EPHB1: variants seen among roughly 807,000 people sequenced by gnomAD.
EPHB1 encodes EPH receptor B1, also known as ephrin type-B receptor 1.
EPHB1 carries 30 observed loss-of-function variants against 94.4 expected under a neutral mutation model. That is an observed-to-expected ratio of 0.32 (90% CI 0.24 to 0.43). The LOEUF (loss-of-function observed/expected upper bound fraction) is 0.43. EPHB1 is among the 20% of genes least tolerant of loss of function. EPHB1 has a pLI of 1.00. For missense variants in EPHB1, 1,055 were observed against 1,308.3 expected, an observed-to-expected ratio of 0.81 and a Z score of 2.99; for synonymous variants, 522 against 489.1, an observed-to-expected ratio of 1.07 and a Z score of -0.89.
chr3:135,243,256 T>C (rs1342683231), intron 13 of EPHB1, among the ~76,000 whole-genome samples: 1 of 152,190 alleles, frequency 6.6e-6, no homozygotes, highest in East Asian at 1.9e-4. Flanking sequence ...AAATTTCTGA[T>C]ATTAGACTTC....
intron 3 of EPHB1, among the ~76,000 whole-genome samples, chr3:135,009,858 G>T (rs1245732006): frequency 1.3e-5 from 2 of 152,122 alleles, no homozygotes; most frequent in Non-Finnish European, 2.9e-5. Flanking sequence ...TGCTTTTAAA[G>T]AACTTTTTTG....
chr3:135,255,105 CTTT>C (rs968191643), intron 15 of EPHB1, among the ~76,000 whole-genome samples: 1 of 151,944 alleles, frequency 6.6e-6, no homozygotes, highest in East Asian at 1.9e-4. Flanking sequence ...ATTCCTCTCT[CTTT>C]TTTTATTAGT....
intron 1 of EPHB1, among the ~76,000 whole-genome samples, chr3:134,862,706 A>T (rs6439528): frequency 1.3e-5 from 2 of 152,162 alleles, no homozygotes. Context: ...TGCCGTGGCC[A>T]TTGGTGTTTG....
chr3:135,028,493 A>G (rs1426847927), intron 3 of EPHB1, among the ~76,000 whole-genome samples: 1 of 136,912 alleles, frequency 7.3e-6, no homozygotes, highest in Non-Finnish European at 1.6e-5. Context: ...CCCAGTAGTC[A>G]TTCAGGAGCA....
chr3:134,908,300 G>C (rs1250103235), intron 1 of EPHB1, among the ~76,000 whole-genome samples: 6 of 152,254 alleles, frequency 3.9e-5, no homozygotes, highest in African/African-American at 1.4e-4. Flanking sequence ...GCCATGCCAA[G>C]CCTCTGTGAC....
intron 12 of EPHB1, among the ~76,000 whole-genome samples, chr3:135,209,838 G>A (rs1448581157): frequency 1.3e-5 from 2 of 152,138 alleles, no homozygotes; most frequent in African/African-American, 2.4e-5. Context: ...GGTGGGAGAG[G>A]CACTAGTAGA....
intron 12 of EPHB1, among the ~76,000 whole-genome samples, chr3:135,205,949 A>G (rs1942890640): frequency 6.6e-6 from 1 of 152,194 alleles, no homozygotes. Context: ...AATGCGTGCA[A>G]CTGTGTAACC....
chr3:134,798,526 A>G (rs1360314936), intron 1 of EPHB1, among the ~76,000 whole-genome samples: 1 of 151,966 alleles, frequency 6.6e-6, no homozygotes, highest in African/African-American at 2.4e-5. Flanking sequence ...CTGTGAGGAG[A>G]GAGATGCCAC....
At chr3:134,881,339 A>G (rs2037726839) in intron 1 of EPHB1, among the ~76,000 whole-genome samples, 1 of 152,100 alleles carries the variant, frequency 6.6e-6, no homozygotes, top group Non-Finnish European at 1.5e-5. Flanking sequence ...TTGGCAGGAC[A>G]AGACATGCAG....
chr3:135,067,477 G>C (rs1346398466), intron 3 of EPHB1: 3 of 152,314 alleles, frequency 2.0e-5, no homozygotes, highest in African/African-American at 7.2e-5. Context: ...AAGTGGGGGA[G>C]AGCTGGCAGT....
intron 1 of EPHB1, among the ~76,000 whole-genome samples, chr3:134,819,055 A>G (rs937631011): frequency 2.6e-5 from 4 of 152,164 alleles, no homozygotes; most frequent in Non-Finnish European, 5.9e-5. Flanking sequence ...TAGCCAGTTT[A>G]TGAGTGAAGG....
intron 5 of EPHB1, among the ~76,000 whole-genome samples, chr3:135,141,090 C>A (rs1449322956): frequency 6.6e-6 from 1 of 151,728 alleles, no homozygotes; most frequent in African/African-American, 2.4e-5. Context: ...GCAGGAAAAC[C>A]TTTGCTGTAG....
chr3:135,181,415 C>T (rs889089862), intron 10 of EPHB1, among the ~76,000 whole-genome samples: 10 of 152,192 alleles, frequency 6.6e-5, no homozygotes, highest in African/African-American at 2.4e-4. Context: ...CCTTTAGATG[C>T]TGACATATTT....
chr3:135,002,836 G>C (rs948016824), intron 3 of EPHB1, among the ~76,000 whole-genome samples: 18 of 151,670 alleles, frequency 1.2e-4, no homozygotes, highest in Non-Finnish European at 2.5e-4. Context: ...GCGTCTATTT[G>C]ATTCTTCTCT....
At chr3:134,976,005 G>A (rs933281058) in intron 3 of EPHB1, among the ~76,000 whole-genome samples, 1 of 152,220 alleles carries the variant, frequency 6.6e-6, no homozygotes, top group African/African-American at 2.4e-5. Flanking sequence ...AACCAGAAGT[G>A]GGTGGATTAA....
chr3:135,065,007 T>C (rs1214183043), intron 3 of EPHB1, among the ~76,000 whole-genome samples: 5 of 152,176 alleles, frequency 3.3e-5, no homozygotes, highest in African/African-American at 1.2e-4. Flanking sequence ...TGTATTTGCA[T>C]GGTTTTGAGG....
chr3:134,925,231 T>C (rs1193481159), intron 1 of EPHB1, among the ~76,000 whole-genome samples: 1 of 152,146 alleles, frequency 6.6e-6, no homozygotes, highest in Non-Finnish European at 1.5e-5. Context: ...GTGTTCTATG[T>C]GAAACCTTTG....
chr3:135,055,548 C>T (rs1048306746), intron 3 of EPHB1, among the ~76,000 whole-genome samples: 10 of 152,334 alleles, frequency 6.6e-5, no homozygotes, highest in East Asian at 3.9e-4. Flanking sequence ...GCTCTTTGAA[C>T]CTGGGCAGTC....
At chr3:135,124,368 C>T (rs1307354341) in intron 4 of EPHB1, among the ~76,000 whole-genome samples, 2 of 151,770 alleles carry the variant, frequency 1.3e-5, no homozygotes, top group African/African-American at 4.9e-5. Context: ...ATTCATTTAT[C>T]TACGTATTGA....
Sources: allele counts gnomAD v4.1 joint callset (sites outside exome capture counted in the v4.1 genomes callset), GRCh38; gene constraint gnomAD v4.1.1; transcripts MANE v1.5; gene names NCBI Gene and HGNC (gene_info 2026-07-23, HGNC 2026-07-21).